Variants in FAM178B observed in about 807,000 individuals in gnomAD.
FAM178B encodes the protein family with sequence similarity 178 member B, also known as protein FAM178B.
A neutral mutation model predicts 91.7 loss-of-function variants in FAM178B; 82 were observed. That is an observed-to-expected ratio of 0.89 (90% confidence interval 0.75 to 1.07). The LOEUF (loss-of-function observed/expected upper bound fraction) is 1.07, where lower values mean the gene tolerates loss of function less well. Among genes scored for constraint, FAM178B ranks in the 50% least tolerant of loss-of-function variants. FAM178B has a pLI of 0.00. For missense variants in FAM178B, 769 were observed against 846.7 expected, an observed-to-expected ratio of 0.91 and a Z score of 1.14; for synonymous variants, 368 against 359.4, an observed-to-expected ratio of 1.02 and a Z score of -0.27.
chr2:96,941,183 T>G (rs1298894833), intron 8 of FAM178B, among the ~76,000 whole-genome samples: 1 of 152,128 alleles, frequency 6.6e-6, no homozygotes, highest in Non-Finnish European at 1.5e-5. Flanking sequence ...GAGGAGGAAG[T>G]GGTTGTGGGG....
chr2:96,961,307 C>T (rs2153374863), intron 5 of FAM178B, among the ~76,000 whole-genome samples: 2 of 112,160 alleles, frequency 1.8e-5, no homozygotes, highest in South Asian at 4.9e-4. Flanking sequence ...AAAACAGCAG[C>T]AGAGGGTGTG....
intron 8 of FAM178B, among the ~76,000 whole-genome samples, chr2:96,935,369 C>T (rs12997297): frequency 0.47 from 71,100 of 151,996 alleles, 20,412 homozygotes; most frequent in Non-Finnish European, 0.66. Context: ...GGTCACATCA[C>T]GGTCCAGCAC....
intron 1 of FAM178B, chr2:96,977,950 C>CGAGGGGGGGGGGGGG: frequency 4.4e-6 from 1 of 229,318 alleles, no homozygotes; most frequent in Non-Finnish European, 8.8e-6. Flanking sequence ...GTGGGGCGGG[C>CGAGGGGGGGGGGGGG]GGGGGAGGGG....
At chr2:96,888,878 G>A (rs4907257) in intron 14 of FAM178B, among the ~76,000 whole-genome samples, 38,374 of 151,996 alleles carry the variant, frequency 0.25, 6,147 homozygotes, top group South Asian at 0.67. Context: ...CCAATCCCTG[G>A]AGCACACCCC....
At chr2:96,949,942 G>A (rs1358432181) in intron 7 of FAM178B, 63 of 974,930 alleles carry the variant, frequency 6.5e-5, no homozygotes, top group Non-Finnish European at 7.3e-5. Context: ...CGACACAGGA[G>A]TAGGTGGCAG....
Position 96,876,147 on chromosome 2 carries a change from G to A in FAM178B, c.*129C>T. On this transcript the variant is annotated 3_prime_UTR_variant, in exon 17 of 17. Coordinates refer to ENST00000490605, the MANE Select transcript of FAM178B (RefSeq NM_001122646.3). ...AGGGGTCGGGGCGGTGGCAGGGGCAGGCTCTTGCCTCATCAGGCTGGTCAG... is the reference window on the plus strand; with the variant it reads ...AGGGGTCGGGGCGGTGGCAGGGGCAAGCTCTTGCCTCATCAGGCTGGTCAG... 1 of 941,628 alleles carries A rather than the reference G, an allele frequency of 1.1e-6. No homozygotes were observed. 58.3% of individuals were successfully genotyped at this position (941,628 alleles called of 1,614,324 possible).
In FAM178B at chr2:96,919,942, C is replaced by A. The variant is rs539127626; in HGVS notation, c.1562+1223G>T. ...AAGCAGAGCCTCTACCAGGCTGGGC[C>A]CTGGGGTGTGAGGCGATTCAAACTC... On this transcript the variant is annotated intron_variant, in intron 12 of 16. Coordinates refer to ENST00000490605, the MANE Select transcript of FAM178B (RefSeq NM_001122646.3). Among the ~76,000 whole-genome samples, 28 of 152,286 alleles carry A rather than the reference C, an allele frequency of 1.8e-4. No individual in the cohort carries two copies. In the South Asian group the frequency reaches 5.8e-3, roughly 32 times the overall value.
At chr2:96,903,185 G>A (rs1574220966) in intron 12 of FAM178B, among the ~76,000 whole-genome samples, 1 of 152,150 alleles carries the variant, frequency 6.6e-6, no homozygotes, top group South Asian at 2.1e-4. Context: ...GACTACAGGC[G>A]CCCGCCACCA....
chr2:96,972,232 G>GGGCAGC lies in FAM178B; in HGVS notation c.227_232dup (p.Arg76_Cys77dup), dbSNP rs2153375794. The GGGCAGC allele has an allele frequency of 6.5e-7, 1 of 1,529,860 alleles. No homozygotes were observed. The highest frequency in any genetic ancestry group is 2.4e-5 in the East Asian group (1 of 40,828). The allele number at this position is 1,529,860 out of a possible 1,614,324, so 94.8% of individuals were successfully genotyped here. A position where few individuals can be genotyped will look rare whatever the true frequency, so the allele number is the denominator to read the frequency against. On this transcript the variant is annotated inframe_insertion, in exon 3 of 17. Transcript: ENST00000490605. The stretch of plus-strand genomic sequence containing the variant: ...GGCAGGGCTGCAGGGCCGCCGGGCA[G>GGGCAGC]GGCAGCGGGGCCCCTGGTCCAGGGG...
At chr2:96,893,804 G>T in intron 14 of FAM178B, 122 bp downstream of exon 14, 1 of 1,247,416 alleles carries the variant, frequency 8.0e-7, no homozygotes, top group Non-Finnish European at 1.1e-6. Context: ...TCTCTGCCCT[G>T]GCATGGCCCT....
chr2:96,940,179 G>A (rs2081703039), intron 8 of FAM178B, among the ~76,000 whole-genome samples: 1 of 152,160 alleles, frequency 6.6e-6, no homozygotes, highest in Admixed American at 6.5e-5. Flanking sequence ...GCCTCTCTGG[G>A]CCTGAGGACA....
At chr2:96,959,199 GAAAAAAA>G (rs57498168) in intron 6 of FAM178B, among the ~76,000 whole-genome samples, 134 of 82,130 alleles carry the variant, frequency 1.6e-3, no homozygotes, top group South Asian at 0.012. Context: ...ACTCAGTTTT[GAAAAAAA>G]AAAAAAAAAA....
intron 8 of FAM178B, among the ~76,000 whole-genome samples, chr2:96,942,620 C>G (rs936340528): frequency 2.0e-5 from 3 of 152,142 alleles, no homozygotes; most frequent in Admixed American, 6.5e-5. Flanking sequence ...TGGTCTTGAT[C>G]TCCCGACCTC....
intron 14 of FAM178B, among the ~76,000 whole-genome samples, chr2:96,887,688 C>T (rs186382201): frequency 5.9e-4 from 90 of 152,314 alleles, no homozygotes; most frequent in African/African-American, 2.1e-3. Context: ...CAGTTTCATA[C>T]GATGTGACAG....
In FAM178B at chr2:96,972,565, T is replaced by A; in HGVS notation, c.115A>T (p.Thr39Ser). 1 of 1,551,644 alleles carries A rather than the reference T, an allele frequency of 6.4e-7. No individual in the cohort carries two copies. Among genetic ancestry groups the A allele is most frequent in the East Asian group, 2.4e-5 (1 of 40,916 alleles). ...HGLQMAGPQE[T>S]VLALPLREGV... ...TCTCTCAGAGGAAGGGCTAGCACCG[T>A]CTCCTGGGGCCCAGCCATCTGCAAG... is the stretch of plus-strand genomic sequence containing the variant. The change falls in exon 2 of 17, where the codon ACG becomes TCG. Residue 39 changes from threonine to serine, a missense_variant. Coordinates refer to ENST00000490605, the MANE Select transcript of FAM178B (RefSeq NM_001122646.3).
chr2:96,913,857 C>T (rs1181193143), intron 12 of FAM178B, among the ~76,000 whole-genome samples: 2 of 152,188 alleles, frequency 1.3e-5, no homozygotes, highest in Non-Finnish European at 2.9e-5. Flanking sequence ...GTGGTTAGGC[C>T]TGGGTCTCGC....
At chr2:96,966,224 C>G (rs1346242328) in intron 5 of FAM178B, among the ~76,000 whole-genome samples, 1 of 152,098 alleles carries the variant, frequency 6.6e-6, no homozygotes. Context: ...CTCACCTCCT[C>G]GAGGTGCTGC....
At chr2:96,946,722 G>A (rs1024625749) in intron 8 of FAM178B, among the ~76,000 whole-genome samples, 9 of 152,272 alleles carry the variant, frequency 5.9e-5, no homozygotes, top group African/African-American at 1.4e-4. Flanking sequence ...AGCAGGACAA[G>A]GGAAGCCTCT....
At chr2:96,944,155 T>C (rs1350086676) in intron 8 of FAM178B, among the ~76,000 whole-genome samples, 2 of 143,010 alleles carry the variant, frequency 1.4e-5, no homozygotes, top group Admixed American at 7.6e-5. Flanking sequence ...GGCAGGAGAA[T>C]GGCGTGAACC....
Sources: gnomAD v4.1 joint callset for allele counts (sites outside exome capture counted in the v4.1 genomes callset) on GRCh38, gnomAD v4.1.1 for gene constraint, MANE v1.5 for transcripts, NCBI Gene and HGNC (gene_info 2026-07-23, HGNC 2026-07-21) for gene names.